SLC2A9: variants seen among roughly 807,000 people sequenced by gnomAD.
SLC2A9 encodes the protein solute carrier family 2, facilitated glucose transporter member 9.
Under a neutral mutation model 50.6 loss-of-function variants are expected in SLC2A9, and 39 were observed. That is an observed-to-expected ratio of 0.77 (90% confidence interval 0.60 to 1.01). SLC2A9 has a LOEUF of 1.01. SLC2A9 is among the 50% of genes least tolerant of loss of function. The pLI is 0.00. For missense variants in SLC2A9, 686 were observed against 677.6 expected (o/e 1.01, Z -0.14); for synonymous variants, 324 against 276.9 (o/e 1.17, Z -1.69).
At position 9,826,421 on chromosome 4, in the gene SLC2A9, A is replaced by C. The variant is rs146590565; in HGVS notation, c.1599T>G (p.Asp533Glu). 3.1e-6 allele frequency: 5 copies of C among 1,613,966 alleles called. No homozygotes were observed. The highest frequency in any genetic ancestry group is 3.3e-5 in the Admixed American group (2 of 60,002). Reference protein sequence around the residue: ...PEEKIDSAVTDGKINGRP With the variant: ...PEEKIDSAVTEGKINGRP Reference sequence around the variant, plus strand: ...GTTAAGGCCTTCCATTTATCTTACCATCAGTGACAGCTGAGTCGATTTTCT... The same window carrying C: ...GTTAAGGCCTTCCATTTATCTTACCCTCAGTGACAGCTGAGTCGATTTTCT... The change falls in exon 12 of 12, where the codon GAT (aspartate) becomes GAG (glutamate). Residue 533 changes from aspartate to glutamate, a missense_variant. Physicochemically the swap from Asp to Glu is conservative, Grantham distance 45 (BLOSUM62 2). Transcript: ENST00000264784.
intron 3 of SLC2A9, among the ~76,000 whole-genome samples, chr4:9,810,509 T>C (rs565805058): frequency 6.6e-6 from 1 of 152,344 alleles, no homozygotes; most frequent in South Asian, 2.1e-4. Context: ...TAGTATCTGA[T>C]AATTAGTTGG....
chr4:9,997,888 C>T (rs1190201273), intron 2 of SLC2A9, among the ~76,000 whole-genome samples: 1 of 152,104 alleles, frequency 6.6e-6, no homozygotes, highest in Non-Finnish European at 1.5e-5. Context: ...AACATATTTG[C>T]AACACATAGA....
At chr4:9,994,710 C>T (rs1223507029) in intron 3 of SLC2A9, among the ~76,000 whole-genome samples, 2 of 151,988 alleles carry the variant, frequency 1.3e-5, no homozygotes, top group Non-Finnish European at 2.9e-5. Context: ...AGAGTCAGGA[C>T]TTGCTGAGCC....
At position 9,920,521 on chromosome 4, in the gene SLC2A9, A is replaced by ACCT. The variant is rs1743739549; in HGVS notation, c.863_865dup (p.Glu288dup). The ACCT allele has an allele frequency of 1.2e-6, 2 of 1,614,134 alleles. No individual in the cohort carries two copies. Among genetic ancestry groups the ACCT allele is most frequent in the South Asian group, 2.2e-5 (2 of 91,086 alleles). On this transcript the variant is annotated inframe_insertion, in exon 7 of 12. Transcript: ENST00000264784. ...CCTCTGCACGCGGCTCTCAGCCAGG[A>ACCT]CCTCCTCTACCTCTTGGGAAACGTC...
downstream of SLC2A9, among the ~76,000 whole-genome samples, chr4:9,777,819 C>A (rs984763096): frequency 6.6e-6 from 1 of 152,182 alleles, no homozygotes; most frequent in African/African-American, 2.4e-5. Context: ...GCCCAGGGCT[C>A]TCCTGGAACA....
intron 1 of SLC2A9, among the ~76,000 whole-genome samples, chr4:10,026,809 C>T (rs901361469): frequency 1.3e-5 from 2 of 152,086 alleles, no homozygotes; most frequent in Non-Finnish European, 2.9e-5. Context: ...GTGGGGAGGC[C>T]GAGGCGGGTG....
downstream of SLC2A9, among the ~76,000 whole-genome samples, chr4:9,775,108 G>A (rs879864776): frequency 6.6e-6 from 1 of 152,192 alleles, no homozygotes; most frequent in Non-Finnish European, 1.5e-5. Flanking sequence ...GGTGACAGAA[G>A]GACAGACTGG....
At chr4:9,815,785 G>T (rs1052059402) in intron 3 of SLC2A9, among the ~76,000 whole-genome samples, 2 of 152,198 alleles carry the variant, frequency 1.3e-5, no homozygotes, top group Non-Finnish European at 2.9e-5. Context: ...ATAAAGAGCA[G>T]CAGCCAAGGT....
intron 5 of SLC2A9, among the ~76,000 whole-genome samples, chr4:9,963,723 G>A (rs1219831612): frequency 1.3e-5 from 2 of 152,216 alleles, no homozygotes; most frequent in African/African-American, 4.8e-5. Flanking sequence ...AACAGCAAAG[G>A]CAGAGGCTGG....
At position 9,890,846 on chromosome 4, in the gene SLC2A9, T is replaced by G. The variant is rs80293806; in HGVS notation, c.1114-135A>C. On this transcript the variant is annotated intron_variant, in intron 8 of 11. Coordinates refer to ENST00000264784, the MANE Select transcript of SLC2A9 (RefSeq NM_020041.3). ...ACCCTGAGACAGTTGGGCCACCTTC[T>G]TTATGGCCACAGCCCTGAAGCAATG... is the stretch of plus-strand genomic sequence containing the variant. 1.8e-3 allele frequency: 1,332 copies of G among 743,194 alleles called. 9 individuals are homozygous for G. The African/African-American group carries it at 0.019, about 11-fold the overall frequency. The allele number at this position is 743,194 out of a possible 1,614,324, so 46.0% of individuals were successfully genotyped here.
intron 5 of SLC2A9, among the ~76,000 whole-genome samples, 193 bp from the exon 6 acceptor site, chr4:9,942,238 A>G (rs1163956662): frequency 6.6e-6 from 1 of 152,234 alleles, no homozygotes; most frequent in East Asian, 1.9e-4. Context: ...TCCATGCATG[A>G]GTCCAGAGAC....
At chr4:10,001,844 G>C (rs1223299002) in intron 2 of SLC2A9, among the ~76,000 whole-genome samples, 2 of 152,218 alleles carry the variant, frequency 1.3e-5, no homozygotes, top group East Asian at 3.8e-4. Context: ...CCGCCTGGGA[G>C]ACTTTCCTGC....
intron 10 of SLC2A9, among the ~76,000 whole-genome samples, chr4:9,878,227 G>A (rs1734605705): frequency 6.6e-6 from 1 of 151,964 alleles, no homozygotes; most frequent in Admixed American, 6.6e-5. Context: ...AAAAGCCTTG[G>A]GATTTCTGGA....
chr4:9,916,772 A>C (rs1257286273), intron 7 of SLC2A9, among the ~76,000 whole-genome samples: 2 of 152,198 alleles, frequency 1.3e-5, no homozygotes, highest in Non-Finnish European at 2.9e-5. Context: ...CTGGAAGATA[A>C]GGGAAGGTTC....
chr4:9,837,938 C>T (rs1727357918), intron 10 of SLC2A9, among the ~76,000 whole-genome samples: 1 of 152,154 alleles, frequency 6.6e-6, no homozygotes, highest in Non-Finnish European at 1.5e-5. Context: ...AGGTTTAAGT[C>T]CTATCTCAGC....
At chr4:9,968,527 C>G (rs913628726) in intron 5 of SLC2A9, among the ~76,000 whole-genome samples, 1 of 152,146 alleles carries the variant, frequency 6.6e-6, no homozygotes. Context: ...TAACTTGATT[C>G]TGTACTTAGC....
intron 10 of SLC2A9, among the ~76,000 whole-genome samples, chr4:9,869,350 C>A (rs1353463681): frequency 6.6e-6 from 1 of 152,008 alleles, no homozygotes; most frequent in Non-Finnish European, 1.5e-5. Flanking sequence ...GGCTTCAGGG[C>A]AGTTCTACAC....
intron 1 of SLC2A9, chr4:10,034,803 G>A (rs941150815): frequency 3.3e-5 from 5 of 152,300 alleles, no homozygotes; most frequent in African/African-American, 1.2e-4. Context: ...TCAGAGAGGT[G>A]AAGCTACTAG....
intron 3 of SLC2A9, chr4:9,783,163 C>T: frequency 6.2e-7 from 1 of 1,614,266 alleles, no homozygotes; most frequent in Non-Finnish European, 8.5e-7. Flanking sequence ...GCAGCCACTT[C>T]TGCTCCCGCA....
Sources: gnomAD v4.1 joint callset for allele counts (sites outside exome capture counted in the v4.1 genomes callset) on GRCh38, gnomAD v4.1.1 for gene constraint, MANE v1.5 for transcripts, NCBI Gene and HGNC (gene_info 2026-07-23, HGNC 2026-07-21) for gene names.